The following INPP4B variants were observed in gnomAD, a reference collection of about 807,000 sequenced individuals.
The protein encoded by INPP4B is inositol polyphosphate 4-phosphatase type II.
In INPP4B, 55 loss-of-function variants were observed where a neutral mutation model predicts 122.5. That is an observed-to-expected ratio of 0.45 (90% confidence interval 0.36 to 0.56). INPP4B has a LOEUF of 0.56. Among genes scored for constraint, INPP4B ranks in the 20% least tolerant of loss-of-function variants. The pLI, the probability that INPP4B is intolerant of heterozygous loss-of-function variation, is 0.00. For synonymous variants in INPP4B, 403 were observed against 388.7 expected (o/e 1.04, Z -0.43); for missense variants, 1,000 against 1,097.7 (o/e 0.91, Z 1.26).
At chr4:142,844,001 T>A (rs1302561441) in intron 1 of INPP4B, among the ~76,000 whole-genome samples, 7 of 152,168 alleles carry the variant, frequency 4.6e-5, no homozygotes, top group Admixed American at 1.3e-4. Context: ...TAAAATATAA[T>A]AGCATTATTT....
chr4:142,714,360 T>G (rs1763499514), intron 2 of INPP4B, among the ~76,000 whole-genome samples: 4 of 152,222 alleles, frequency 2.6e-5, no homozygotes, highest in African/African-American at 9.6e-5. Flanking sequence ...TTCTGCACTT[T>G]CCTCACACGT....
At chr4:142,187,780 G>A (rs1833819310) in intron 15 of INPP4B, among the ~76,000 whole-genome samples, 2 of 152,014 alleles carry the variant, frequency 1.3e-5, no homozygotes, top group Admixed American at 6.5e-5. Context: ...TTTTTTTGTA[G>A]AGACAGGGTT....
intron 7 of INPP4B, among the ~76,000 whole-genome samples, chr4:142,378,602 A>G (rs999629112): frequency 6.6e-6 from 1 of 152,166 alleles, no homozygotes; most frequent in African/African-American, 2.4e-5. Flanking sequence ...TTAAGCCTAC[A>G]TTAATTGAAA....
In INPP4B at chr4:142,538,970, T is replaced by C. The variant is rs1828614366; in HGVS notation, c.-190-76244A>G. 2.6e-5 allele frequency among the ~76,000 whole-genome samples: 4 copies of C among 151,502 alleles called. No homozygotes were observed. In the South Asian group the frequency reaches 6.2e-4, roughly 24 times the overall value. On this transcript the variant is annotated intron_variant, in intron 2 of 25. Transcript: ENST00000262992. The stretch of plus-strand genomic sequence containing the variant: ...TTTATCAATTATACCTCAAAAAAGA[T>C]AAAAGTAAACCTCAAATATTTGTAC...
At chr4:142,827,016 C>T (rs1219687919) in intron 1 of INPP4B, among the ~76,000 whole-genome samples, 1 of 152,172 alleles carries the variant, frequency 6.6e-6, no homozygotes, top group Non-Finnish European at 1.5e-5. Flanking sequence ...TCAAACCTCA[C>T]TGTAGAATGC....
At chr4:142,268,503 T>C (rs566674263) in intron 10 of INPP4B, among the ~76,000 whole-genome samples, 51 of 151,612 alleles carry the variant, frequency 3.4e-4, no homozygotes, top group African/African-American at 1.2e-3. Flanking sequence ...GCAATCCCAC[T>C]CTGGGTACTC....
At chr4:142,202,655 G>T in intron 14 of INPP4B, 1 of 729,222 alleles carries the variant, frequency 1.4e-6, no homozygotes, top group Non-Finnish European at 1.7e-6. Context: ...GTAAATTTTG[G>T]CTACTGTTGG....
intron 2 of INPP4B, among the ~76,000 whole-genome samples, chr4:142,599,642 C>T (rs1322121566): frequency 1.3e-5 from 2 of 151,818 alleles, no homozygotes; most frequent in Non-Finnish European, 2.9e-5. Flanking sequence ...AATAATAACA[C>T]CTCCAAAGGA....
At chr4:142,248,677 T>C (rs991185152) in intron 11 of INPP4B, among the ~76,000 whole-genome samples, 3 of 151,848 alleles carry the variant, frequency 2.0e-5, no homozygotes, top group East Asian at 1.9e-4. Context: ...TGTATGTGTA[T>C]GTGTTTAGGC....
intron 8 of INPP4B, among the ~76,000 whole-genome samples, chr4:142,309,032 A>G (rs116876864): frequency 6.6e-6 from 1 of 152,200 alleles, no homozygotes; most frequent in East Asian, 1.9e-4. Context: ...TCTAGGCCTT[A>G]GTTGCTGAAA....
chr4:142,046,699 T>C (rs1751670559), intron 25 of INPP4B, among the ~76,000 whole-genome samples: 1 of 152,034 alleles, frequency 6.6e-6, no homozygotes, highest in Non-Finnish European at 1.5e-5. Flanking sequence ...CTGTATGTAC[T>C]GGGGAGGGAC....
At chr4:142,130,904 C>G (rs543541358) in intron 18 of INPP4B, among the ~76,000 whole-genome samples, 6 of 152,302 alleles carry the variant, frequency 3.9e-5, no homozygotes, top group African/African-American at 1.4e-4. Context: ...ACTTTCCAGT[C>G]TTGCTCTTAG....
At chr4:142,658,756 G>A (rs1417954220) in intron 2 of INPP4B, among the ~76,000 whole-genome samples, 2 of 152,112 alleles carry the variant, frequency 1.3e-5, no homozygotes, top group African/African-American at 2.4e-5. Flanking sequence ...TAAAAGCCCA[G>A]TGGGGAAACT....
In INPP4B at chr4:142,336,761, G is replaced by C. The variant is rs570236613; in HGVS notation, c.373-21999C>G. On this transcript the variant is annotated intron_variant, in intron 7 of 25. Coordinates refer to ENST00000262992, the MANE Select transcript of INPP4B (RefSeq NM_001101669.3). ...CAGAGAAAGCCCAGCAGTGAGCACA[G>C]AGCTGAACAAGGCCCCAGGCAGAGG... is the stretch of plus-strand genomic sequence containing the variant. Among the ~76,000 whole-genome samples, 17 of 152,342 alleles carry C rather than the reference G, an allele frequency of 1.1e-4. No homozygotes were observed. In the South Asian group the frequency reaches 3.5e-3, roughly 32 times the overall value.
intron 2 of INPP4B, among the ~76,000 whole-genome samples, chr4:142,637,841 A>G (rs1580580309): frequency 2.6e-5 from 4 of 152,300 alleles, no homozygotes; most frequent in African/African-American, 9.6e-5. Context: ...CTGTTGCTCC[A>G]TATGCTCACC....
chr4:142,432,438 A>C (rs1361123707), intron 3 of INPP4B, among the ~76,000 whole-genome samples: 2 of 152,238 alleles, frequency 1.3e-5, no homozygotes, highest in East Asian at 3.9e-4. Flanking sequence ...TAGTATAATA[A>C]AATTATAGAT....
chr4:142,569,484 G>A (rs1275711667), intron 2 of INPP4B, among the ~76,000 whole-genome samples: 2 of 152,022 alleles, frequency 1.3e-5, no homozygotes, highest in African/African-American at 4.8e-5. Flanking sequence ...AACCTATGAG[G>A]TGAACTCTGT....
chr4:142,464,165 A>T (rs1230177742), intron 2 of INPP4B, among the ~76,000 whole-genome samples: 1 of 152,152 alleles, frequency 6.6e-6, no homozygotes. Flanking sequence ...CATGCTATTT[A>T]TAAAACAATT....
chr4:142,798,862 G>GT (rs1777629149), intron 1 of INPP4B, among the ~76,000 whole-genome samples: 1 of 151,600 alleles, frequency 6.6e-6, no homozygotes. Context: ...GTGTGTGTGT[G>GT]TGTGTGTATA....
Sources: gnomAD v4.1 joint callset for allele counts (sites outside exome capture counted in the v4.1 genomes callset) on GRCh38, gnomAD v4.1.1 for gene constraint, MANE v1.5 for transcripts, NCBI Gene and HGNC (gene_info 2026-07-23, HGNC 2026-07-21) for gene names.